SLC24A2: variants seen among roughly 807,000 people sequenced by gnomAD.
The protein encoded by SLC24A2 is sodium/potassium/calcium exchanger 2.
A neutral mutation model predicts 62.0 loss-of-function variants in SLC24A2; 36 were observed. The observed-to-expected ratio is 0.58, with a 90% CI of 0.44 to 0.77. The LOEUF (loss-of-function observed/expected upper bound fraction) is 0.77, where lower values mean the gene tolerates loss of function less well. SLC24A2 is among the 30% of genes least tolerant of loss of function. SLC24A2 has a pLI of 0.00. For missense variants in SLC24A2, 846 were observed against 817.9 expected, an observed-to-expected ratio of 1.03 and a Z score of -0.42; for synonymous variants, 358 against 294.0, an observed-to-expected ratio of 1.22 and a Z score of -2.23.
chr9:19,975,056 T>C, the SLC24A2 span, among the ~76,000 whole-genome samples: 1 of 152,102 alleles, frequency 6.6e-6, no homozygotes, highest in Non-Finnish European at 1.5e-5. Context: ...TAAAACTGGG[T>C]CACATGGTCA....
chr9:19,632,848 T>G lies in SLC24A2; in HGVS notation c.931-10549A>C, dbSNP rs1818213342. Among the ~76,000 whole-genome samples the G allele has an allele frequency of 6.6e-6, 1 of 152,198 alleles. No homozygotes were observed. The highest frequency in any genetic ancestry group is 2.1e-4 in the South Asian group (1 of 4,826). On this transcript the variant is annotated intron_variant, in intron 2 of 10. Coordinates refer to ENST00000341998, the MANE Select transcript of SLC24A2 (RefSeq NM_020344.4). The surrounding 1 kb of genome is among the most constrained non-coding windows in gnomAD (Gnocchi z 4.5). ...CACCTATTTGTGTTTGTGCATAGTG[T>G]GTATGTAGTTCTATGCAGTTTAATT...
At chr9:19,563,698 CTTACT>C (rs370521673) in intron 7 of SLC24A2, among the ~76,000 whole-genome samples, 1 of 142,184 alleles carries the variant, frequency 7.0e-6, no homozygotes, top group African/African-American at 3.1e-5. Flanking sequence ...CCCTCCCTCC[CTTACT>C]TCCTTTTCCA....
In SLC24A2 at chr9:19,520,859, C is replaced by T. The variant is rs200733349; in HGVS notation, c.1736+35G>A. 1.0e-4 allele frequency: 165 copies of T among 1,605,896 alleles called. 1 individual carries two copies. The African/African-American group carries it at 1.9e-3, about 18-fold the overall frequency. Reference sequence around the variant, plus strand: ...TAAGAAGACAAAGACACTGGTGGAGCTGGTGCACACCTTTGTAGAACTACC... The same window carrying T: ...TAAGAAGACAAAGACACTGGTGGAGTTGGTGCACACCTTTGTAGAACTACC... On this transcript the variant is annotated intron_variant, in intron 10 of 10. Coordinates refer to ENST00000341998, the MANE Select transcript of SLC24A2 (RefSeq NM_020344.4).
At chr9:19,931,974 A>C in the SLC24A2 span, among the ~76,000 whole-genome samples, 1 of 151,986 alleles carries the variant, frequency 6.6e-6, no homozygotes, top group Non-Finnish European at 1.5e-5. Context: ...CCCATGTAGA[A>C]AGAGAATTAG....
the SLC24A2 span, among the ~76,000 whole-genome samples, chr9:19,910,569 C>A: frequency 1.3e-5 from 2 of 152,100 alleles, no homozygotes; most frequent in Non-Finnish European, 2.9e-5. Flanking sequence ...TCCAGCCTCA[C>A]TAACTCCCTG....
chr9:20,280,268 G>A, the SLC24A2 span, among the ~76,000 whole-genome samples: 1 of 152,350 alleles, frequency 6.6e-6, no homozygotes, highest in East Asian at 1.9e-4. Flanking sequence ...TTACACCACA[G>A]AGGTGGTCCT....
At chr9:20,019,113 GAA>G in the SLC24A2 span, among the ~76,000 whole-genome samples, 2 of 31,912 alleles carry the variant, frequency 6.3e-5, 1 homozygote, top group East Asian at 3.9e-3. Flanking sequence ...TAGAAAGAAA[GAA>G]AGAAAGAAAG....
the SLC24A2 span, among the ~76,000 whole-genome samples, chr9:20,121,210 AT>A: frequency 6.6e-6 from 1 of 151,148 alleles, no homozygotes; most frequent in Admixed American, 6.6e-5. Context: ...CAATTTGGAA[AT>A]AAATGGCATG....
At chr9:20,122,915 G>C in the SLC24A2 span, among the ~76,000 whole-genome samples, 5 of 152,046 alleles carry the variant, frequency 3.3e-5, no homozygotes, top group Non-Finnish European at 7.4e-5. Context: ...TTTTTACTGA[G>C]AGCCAGTCAA....
intron 2 of SLC24A2, among the ~76,000 whole-genome samples, chr9:19,637,625 C>A (rs949869976): frequency 6.6e-6 from 1 of 152,174 alleles, no homozygotes; most frequent in Admixed American, 6.5e-5. Flanking sequence ...GAAGTAGTAC[C>A]AGGCACAGTG....
At chr9:19,867,180 C>A in the SLC24A2 span, among the ~76,000 whole-genome samples, 1 of 151,898 alleles carries the variant, frequency 6.6e-6, no homozygotes, top group East Asian at 1.9e-4. Flanking sequence ...TCATATGCCC[C>A]ATAAATATAT....
At chr9:19,827,292 T>G in the SLC24A2 span, among the ~76,000 whole-genome samples, 2 of 152,136 alleles carry the variant, frequency 1.3e-5, no homozygotes, top group Non-Finnish European at 2.9e-5. Context: ...TCAAATGAGC[T>G]GTTTACCTCC....
intron 1 of SLC24A2, among the ~76,000 whole-genome samples, chr9:19,787,333 T>A (rs1425660653): frequency 1.3e-5 from 2 of 152,202 alleles, no homozygotes; most frequent in African/African-American, 4.8e-5. Flanking sequence ...GATGTAAGAA[T>A]AAAAATTTTA....
the SLC24A2 span, among the ~76,000 whole-genome samples, chr9:20,107,483 G>C: frequency 1.3e-5 from 2 of 152,100 alleles, no homozygotes; most frequent in African/African-American, 4.8e-5. Flanking sequence ...CATGGTGCTG[G>C]TACCAAAACA....
chr9:19,953,251 A>C, the SLC24A2 span, among the ~76,000 whole-genome samples: 13 of 152,044 alleles, frequency 8.6e-5, no homozygotes, highest in African/African-American at 3.1e-4. Context: ...TATTGTATTG[A>C]TATTCCTTCT....
chr9:20,116,576 C>T, the SLC24A2 span, among the ~76,000 whole-genome samples: 7 of 152,100 alleles, frequency 4.6e-5, no homozygotes, highest in Admixed American at 6.6e-5. Flanking sequence ...CATACTGTGC[C>T]GTCTTTTCAA....
At chr9:19,720,711 AC>A (rs1821000383) in intron 2 of SLC24A2, among the ~76,000 whole-genome samples, 3 of 121,904 alleles carry the variant, frequency 2.5e-5, no homozygotes, top group Admixed American at 8.7e-5. Context: ...AAAAAAAATC[AC>A]CTTGATGTGG....
At chr9:19,736,793 A>T (rs1254719011) in intron 2 of SLC24A2, among the ~76,000 whole-genome samples, 2 of 152,230 alleles carry the variant, frequency 1.3e-5, no homozygotes, top group African/African-American at 4.8e-5. Context: ...TTAAAATTAT[A>T]GTAAGCTATG....
chr9:19,954,335 C>T, the SLC24A2 span, among the ~76,000 whole-genome samples: 1 of 151,908 alleles, frequency 6.6e-6, no homozygotes, highest in Non-Finnish European at 1.5e-5. Context: ...AGCCAAAAAC[C>T]CAAGGCAACT....
Sources: gnomAD v4.1 joint callset for allele counts (sites outside exome capture counted in the v4.1 genomes callset) on GRCh38, gnomAD v4.1.1 for gene constraint, Gnocchi (gnomAD v3.1) non-coding constraint, MANE v1.5 for transcripts, NCBI Gene and HGNC (gene_info 2026-07-23, HGNC 2026-07-21) for gene names.